FGF12: variants seen among roughly 807,000 people sequenced by gnomAD.
FGF12 encodes fibroblast growth factor 12B.
A neutral mutation model predicts 23.6 loss-of-function variants in FGF12; 14 were observed. The observed-to-expected ratio is 0.59, with a 90% CI of 0.39 to 0.93. The LOEUF (loss-of-function observed/expected upper bound fraction) is 0.93. Among genes scored for constraint, FGF12 ranks in the 40% least tolerant of loss-of-function variants. FGF12 has a pLI of 0.00. For missense variants in FGF12, 175 were observed against 217.8 expected (o/e 0.80, Z 1.24); for synonymous variants, 62 against 77.3 (o/e 0.80, Z 1.04).
chr3:192,211,114 T>C (rs1480514973), intron 4 of FGF12, among the ~76,000 whole-genome samples: 2 of 152,168 alleles, frequency 1.3e-5, no homozygotes, highest in Admixed American at 1.3e-4. Flanking sequence ...GATATTACAG[T>C]ATTCCAGAGG....
At chr3:192,383,570 A>G (rs1719918720) in intron 2 of FGF12, among the ~76,000 whole-genome samples, 3 of 152,030 alleles carry the variant, frequency 2.0e-5, no homozygotes, top group Admixed American at 1.3e-4. Context: ...TATAAGTAAT[A>G]GAGAAGACCA....
Position 192,507,127 on chromosome 3 carries a change from C to T in FGF12, c.14-146589G>A, listed in dbSNP as rs540896040. 4.7e-4 allele frequency among the ~76,000 whole-genome samples: 72 copies of T among 151,586 alleles called. 1 individual carries two copies. The highest frequency in any genetic ancestry group is 1.6e-3 in the African/African-American group (68 of 41,348). On this transcript the variant is annotated intron_variant, in intron 2 of 5. Transcript: ENST00000445105. The stretch of plus-strand genomic sequence containing the variant: ...CAGCATGGTCTTGATCTCCTGACCT[C>T]GTGATCTGCCCGCCTCGGCCTCCCA...
intron 2 of FGF12, among the ~76,000 whole-genome samples, chr3:192,641,429 A>G (rs1165949661): frequency 8.4e-6 from 1 of 118,348 alleles, no homozygotes; most frequent in Admixed American, 1.0e-4. Flanking sequence ...TTTGAGACAG[A>G]GTTTCACTCT....
At chr3:192,436,371 G>A (rs1232393715) in intron 2 of FGF12, among the ~76,000 whole-genome samples, 1 of 152,202 alleles carries the variant, frequency 6.6e-6, no homozygotes, top group African/African-American at 2.4e-5. Flanking sequence ...GTCATACACA[G>A]CAGAATCAAG....
In FGF12 at chr3:192,140,012, G is replaced by A. The variant is rs1012566778; in HGVS notation, c.*3997C>T. On this transcript the variant is annotated 3_prime_UTR_variant, in exon 6 of 6. Coordinates refer to ENST00000445105, the MANE Select transcript of FGF12 (RefSeq NM_004113.6). ...ATTAAAAATCACCAAAGTACTGAAG[G>A]AACACGTGCTTTGATTATTATTCCC... The A allele has an allele frequency of 6.6e-6, 1 of 151,908 alleles. No homozygotes were observed. The highest frequency in any genetic ancestry group is 1.5e-5 in the Non-Finnish European group (1 of 67,886). 9.4% of individuals were successfully genotyped at this position (151,908 alleles called of 1,614,324 possible).
chr3:192,689,130 A>G (rs1006740993), intron 2 of FGF12, among the ~76,000 whole-genome samples: 1 of 152,182 alleles, frequency 6.6e-6, no homozygotes, highest in African/African-American at 2.4e-5. Context: ...AGGTACAAAC[A>G]CATAGATAGA....
chr3:192,340,907 A>G (rs1032261739), intron 3 of FGF12, among the ~76,000 whole-genome samples: 4 of 152,288 alleles, frequency 2.6e-5, no homozygotes, highest in African/African-American at 9.6e-5. Context: ...GCAATGATTT[A>G]TTTCTTGGAT....
intron 2 of FGF12, among the ~76,000 whole-genome samples, chr3:192,467,594 G>A (rs1056863421): frequency 1.3e-5 from 2 of 152,192 alleles, no homozygotes; most frequent in East Asian, 1.9e-4. Flanking sequence ...CCTCTGACAT[G>A]CTATGTCAAG....
chr3:192,698,786 G>A (rs775301576), intron 2 of FGF12, among the ~76,000 whole-genome samples: 39 of 152,038 alleles, frequency 2.6e-4, no homozygotes, highest in African/African-American at 7.5e-4. Context: ...TGCCAATGAT[G>A]GTCAAATAGC....
At chr3:192,483,205 C>T (rs1039255624) in intron 2 of FGF12, among the ~76,000 whole-genome samples, 1 of 152,124 alleles carries the variant, frequency 6.6e-6, no homozygotes. Context: ...TACCTAACAT[C>T]TACCTATGTC....
intron 2 of FGF12, among the ~76,000 whole-genome samples, chr3:192,364,962 A>G (rs1718902053): frequency 6.6e-6 from 1 of 152,152 alleles, no homozygotes; most frequent in African/African-American, 2.4e-5. Flanking sequence ...TCTTGAGATT[A>G]TGTGATGAGA....
chr3:192,513,682 A>G (rs1012389028), intron 2 of FGF12, among the ~76,000 whole-genome samples: 7 of 152,212 alleles, frequency 4.6e-5, no homozygotes, highest in African/African-American at 1.7e-4. Context: ...TAAATTTTTG[A>G]AAAGTAAAAT....
rs71298511 is a variant in FGF12, at chr3:192,581,486, G to GTATATA, written c.13+145689_13+145694dup. Among the ~76,000 whole-genome samples, 141 of 144,624 alleles carry GTATATA rather than the reference G, an allele frequency of 9.7e-4. 3 individuals carry two copies. Among genetic ancestry groups the GTATATA allele is most frequent in the African/African-American group, 2.7e-3 (104 of 39,110 alleles). The allele number at this position is 144,624 out of a possible 152,430, so 94.9% of individuals were successfully genotyped here. A position where few individuals can be genotyped will look rare whatever the true frequency, so the allele number is the denominator to read the frequency against. On this transcript the variant is annotated intron_variant, in intron 2 of 5. Coordinates refer to ENST00000445105, the MANE Select transcript of FGF12 (RefSeq NM_004113.6). ...TATATGTATATATATGTGTGTGTGT[G>GTATATA]TATATATATATATATATATATATAC...
intron 2 of FGF12, among the ~76,000 whole-genome samples, chr3:192,704,259 G>C (rs1006921243): frequency 4.6e-5 from 7 of 152,102 alleles, no homozygotes; most frequent in Admixed American, 1.3e-4. Context: ...ATAGCTATTT[G>C]ATCCATAGCT....
chr3:192,515,719 G>C (rs1175354874), intron 2 of FGF12, among the ~76,000 whole-genome samples: 1 of 152,150 alleles, frequency 6.6e-6, no homozygotes, highest in Non-Finnish European at 1.5e-5. Context: ...AGAGCGCTTC[G>C]CTTTGGCGCC....
intron 2 of FGF12, among the ~76,000 whole-genome samples, chr3:192,561,260 A>T (rs1448482611): frequency 6.6e-6 from 1 of 152,246 alleles, no homozygotes. Context: ...TTGAACAGGC[A>T]CGTCAGAACA....
chr3:192,434,698 G>C (rs1280611712), intron 2 of FGF12, among the ~76,000 whole-genome samples: 1 of 152,044 alleles, frequency 6.6e-6, no homozygotes, highest in African/African-American at 2.4e-5. Flanking sequence ...TCATAGAGTT[G>C]ATTTTAAAGT....
intron 4 of FGF12, among the ~76,000 whole-genome samples, chr3:192,213,822 T>C (rs1045379744): frequency 6.6e-6 from 1 of 152,226 alleles, no homozygotes; most frequent in African/African-American, 2.4e-5. Flanking sequence ...GTGGTGACTC[T>C]CAATAGATTG....
chr3:192,359,941 A>T (rs973782177), intron 3 of FGF12, among the ~76,000 whole-genome samples: 2 of 149,144 alleles, frequency 1.3e-5, no homozygotes, highest in African/African-American at 5.0e-5. Flanking sequence ...TTTAACATAA[A>T]ATAACATATA....
Sources: allele counts gnomAD v4.1 joint callset (sites outside exome capture counted in the v4.1 genomes callset), GRCh38; gene constraint gnomAD v4.1.1; transcripts MANE v1.5; gene names NCBI Gene and HGNC (gene_info 2026-07-23, HGNC 2026-07-21).